RIMS2: variants seen among roughly 807,000 people sequenced by gnomAD.
The protein encoded by RIMS2 is regulating synaptic membrane exocytosis 2.
Under a neutral mutation model 174.4 loss-of-function variants are expected in RIMS2, and 59 were observed. That is an observed-to-expected ratio of 0.34 (90% CI 0.27 to 0.42). The LOEUF (loss-of-function observed/expected upper bound fraction) is 0.42, where lower values mean the gene tolerates loss of function less well. Among genes scored for constraint, RIMS2 ranks in the 10% least tolerant of loss-of-function variants. RIMS2 has a pLI of 1.00. For missense variants in RIMS2, 1,620 were observed against 1,666.3 expected, an observed-to-expected ratio of 0.97 and a Z score of 0.48; for synonymous variants, 606 against 572.5, an observed-to-expected ratio of 1.06 and a Z score of -0.84.
chr8:103,708,197 C>T (rs1445679094), intron 2 of RIMS2, among the ~76,000 whole-genome samples: 1 of 152,194 alleles, frequency 6.6e-6, no homozygotes, highest in African/African-American at 2.4e-5. Context: ...GAAATTTATT[C>T]ACGGCTCAAG....
At chr8:104,001,965 C>T (rs2154552279) in intron 17 of RIMS2, among the ~76,000 whole-genome samples, 1 of 152,088 alleles carries the variant, frequency 6.6e-6, no homozygotes, top group South Asian at 2.1e-4. Context: ...CTTCACAGTT[C>T]CTGCCATCAA....
intron 4 of RIMS2, among the ~76,000 whole-genome samples, chr8:103,907,721 GT>G (rs374719834): frequency 4.5e-4 from 67 of 150,244 alleles, no homozygotes; most frequent in African/African-American, 1.4e-3. Flanking sequence ...TGAATTTTTT[GT>G]TTTTTTTATT....
chr8:103,568,730 T>G, intron 1 of RIMS2: 5 of 945,990 alleles, frequency 5.3e-6, no homozygotes, highest in Non-Finnish European at 8.5e-6. Context: ...GAGTAGCCTA[T>G]AAAGCAGCTG....
intron 2 of RIMS2, among the ~76,000 whole-genome samples, chr8:103,724,680 C>A (rs1257774515): frequency 6.6e-6 from 1 of 152,022 alleles, no homozygotes; most frequent in Non-Finnish European, 1.5e-5. Context: ...AGATATGGAT[C>A]CTACTTTATT....
At chr8:103,542,106 A>C (rs1006130292) in intron 1 of RIMS2, among the ~76,000 whole-genome samples, 6 of 152,170 alleles carry the variant, frequency 3.9e-5, no homozygotes, top group African/African-American at 1.4e-4. Flanking sequence ...TAGCTAGACT[A>C]TGAAAAGAAG....
intron 19 of RIMS2, among the ~76,000 whole-genome samples, chr8:104,224,568 T>G (rs2099173649): frequency 6.6e-6 from 1 of 152,260 alleles, no homozygotes; most frequent in Admixed American, 6.5e-5. Context: ...ATTAATTTAC[T>G]GATACACTAG....
intron 1 of RIMS2, among the ~76,000 whole-genome samples, chr8:103,578,229 A>G (rs896945051): frequency 6.6e-6 from 1 of 152,158 alleles, no homozygotes; most frequent in African/African-American, 2.4e-5. Flanking sequence ...AGCAGGAGAA[A>G]AGAAGCAACT....
chr8:103,514,745 GAGA>G (rs1828135301), intron 1 of RIMS2, among the ~76,000 whole-genome samples: 1 of 151,920 alleles, frequency 6.6e-6, no homozygotes, highest in Non-Finnish European at 1.5e-5. Context: ...GAAAATTGCA[GAGA>G]AGAACTTCAT....
At chr8:104,013,051 G>A (rs1163850287) in intron 17 of RIMS2, among the ~76,000 whole-genome samples, 3 of 152,088 alleles carry the variant, frequency 2.0e-5, no homozygotes, top group African/African-American at 7.2e-5. Context: ...ACAGCTTCAG[G>A]TGCTACAGAA....
chr8:103,853,967 T>C (rs2099013157), intron 3 of RIMS2, among the ~76,000 whole-genome samples: 2 of 152,118 alleles, frequency 1.3e-5, no homozygotes, highest in African/African-American at 4.8e-5. Context: ...AACCTGTAAA[T>C]TGCCTTGGCC....
intron 3 of RIMS2, among the ~76,000 whole-genome samples, chr8:103,841,731 G>A (rs1212383833): frequency 6.6e-6 from 1 of 152,090 alleles, no homozygotes; most frequent in Non-Finnish European, 1.5e-5. Flanking sequence ...TTTGAGGATT[G>A]CCATTAAGAA....
chr8:103,837,940 C>CTTTTTTTTTTTTTTTT (rs34876587), intron 3 of RIMS2, among the ~76,000 whole-genome samples: 1 of 135,736 alleles, frequency 7.4e-6, no homozygotes. Context: ...CTTTCTTTCT[C>CTTTTTTTTTTTTTTTT]TTTTTTTTTT....
intron 19 of RIMS2, among the ~76,000 whole-genome samples, chr8:104,204,057 G>T (rs767693639): frequency 3.3e-5 from 5 of 152,088 alleles, no homozygotes; most frequent in Non-Finnish European, 5.9e-5. Context: ...CTCTCTGCCC[G>T]CCATTCCACC....
At chr8:103,813,983 G>T (rs1400638293) in intron 3 of RIMS2, among the ~76,000 whole-genome samples, 4 of 152,120 alleles carry the variant, frequency 2.6e-5, no homozygotes, top group Non-Finnish European at 5.9e-5. Flanking sequence ...CAATAGTAAA[G>T]ACATTGCATC....
At chr8:104,151,026 G>A (rs34974046) in intron 19 of RIMS2, among the ~76,000 whole-genome samples, 39,349 of 152,054 alleles carry the variant, frequency 0.26, 5,372 homozygotes, top group South Asian at 0.43. Flanking sequence ...GAGCATTTAA[G>A]GATGAATTAA....
At chr8:103,675,957 A>G (rs1327123403) in intron 1 of RIMS2, among the ~76,000 whole-genome samples, 1 of 152,168 alleles carries the variant, frequency 6.6e-6, no homozygotes, top group African/African-American at 2.4e-5. Flanking sequence ...TTTTAAAGTG[A>G]TGACTCTTAG....
chr8:104,242,655 T>C (rs1343486821), intron 19 of RIMS2, among the ~76,000 whole-genome samples: 1 of 152,274 alleles, frequency 6.6e-6, no homozygotes, highest in Non-Finnish European at 1.5e-5. Context: ...GATTGTTTTA[T>C]GTATGTGTGT....
intron 19 of RIMS2, among the ~76,000 whole-genome samples, chr8:104,060,691 T>C (rs1342328534): frequency 2.0e-5 from 3 of 152,198 alleles, no homozygotes; most frequent in Non-Finnish European, 4.4e-5. Flanking sequence ...TTTCCTGCTT[T>C]CTATTATGGG....
chr8:104,146,204 C>CAAAAAAAAAAAAAAAAAAAAAAAAAAA lies in RIMS2; in HGVS notation c.3335-98688_3335-98687insAAAAAAAAAAAAAAAAAAAAAAAAAAA. On this transcript the variant is annotated intron_variant, in intron 19 of 23. Coordinates refer to ENST00000504942, the Ensembl canonical transcript of RIMS2. Reference sequence around the variant, plus strand: ...CACAGTGAGAACCTGTCTCCTCTCCCAAAAAAAAAAAAAAAAAAAAAAAAG... The same window carrying CAAAAAAAAAAAAAAAAAAAAAAAAAAA: ...CACAGTGAGAACCTGTCTCCTCTCCCAAAAAAAAAAAAAAAAAAAAAAAAAAAAAAAAAAAAAAAAAAAAAAAAAAAG... Among the ~76,000 whole-genome samples the CAAAAAAAAAAAAAAAAAAAAAAAAAAA allele has an allele frequency of 3.0e-5, 2 of 65,896 alleles. 1 individual carries two copies. Among genetic ancestry groups the CAAAAAAAAAAAAAAAAAAAAAAAAAAA allele is most frequent in the Non-Finnish European group, 5.4e-5 (2 of 36,918 alleles). The allele number at this position is 65,896 out of a possible 152,430, so 43.2% of individuals were successfully genotyped here. A position where few individuals can be genotyped will look rare whatever the true frequency, so the allele number is the denominator to read the frequency against.
Sources: gnomAD v4.1 joint callset for allele counts (sites outside exome capture counted in the v4.1 genomes callset) on GRCh38, gnomAD v4.1.1 for gene constraint, MANE v1.5 for transcripts, NCBI Gene and HGNC (gene_info 2026-07-23, HGNC 2026-07-21) for gene names.